FSIP2: variants seen among roughly 807,000 people sequenced by gnomAD.
FSIP2 encodes fibrous sheath-interacting protein 2.
A neutral mutation model predicts 510.5 loss-of-function variants in FSIP2; 367 were observed. That is an observed-to-expected ratio of 0.72 (90% confidence interval 0.66 to 0.78). FSIP2 has a LOEUF of 0.78. Among genes scored for constraint, FSIP2 ranks in the 30% least tolerant of loss-of-function variants. The pLI is 0.00. For synonymous variants in FSIP2, 2,601 were observed against 2,732.2 expected, an observed-to-expected ratio of 0.95 and a Z score of 1.50; for missense variants, 7,594 against 7,901.7, an observed-to-expected ratio of 0.96 and a Z score of 1.48.
intron 7 of FSIP2, among the ~76,000 whole-genome samples, chr2:185,747,699 T>C (rs1295650905): frequency 6.6e-6 from 1 of 152,098 alleles, no homozygotes. Context: ...ATTAACTTTT[T>C]TTAGAACTAG....
At chr2:185,768,329 C>T (rs1030472145) in intron 13 of FSIP2, among the ~76,000 whole-genome samples, 7 of 152,094 alleles carry the variant, frequency 4.6e-5, no homozygotes, top group Non-Finnish European at 5.9e-5. Flanking sequence ...CATACCCAAA[C>T]ATTTATTGCC....
In FSIP2 at chr2:185,790,326, C is replaced by T; in HGVS notation, c.3190C>T (p.His1064Tyr). ...TGGTTCTAGAAGCAAAGCTGCATTT[C>T]ATGATTGGGAATTAAAGACTGAGCC... ...KPGSRSKAAF[H>Y]DWELKTEPPS... Residue 1064 changes from histidine (H) to tyrosine (Y), a missense_variant, in exon 16 of 23, where the codon CAT (histidine) becomes TAT (tyrosine). Coordinates refer to ENST00000424728, the MANE Select transcript of FSIP2 (RefSeq NM_173651.4). 6.5e-7 allele frequency: 1 copy of T among 1,533,694 alleles called. No homozygotes were observed. Among genetic ancestry groups the T allele is most frequent in the Non-Finnish European group, 8.7e-7 (1 of 1,145,438 alleles).
In FSIP2 at chr2:185,793,671, A is replaced by C. The variant is rs979562500; in HGVS notation, c.6535A>C (p.Asn2179His). The change falls in exon 16 of 23, where the codon AAT becomes CAT. Residue 2179 changes from asparagine to histidine, a missense_variant. Physicochemically the swap from Asn to His is moderately conservative, Grantham distance 68. Coordinates refer to ENST00000424728, the MANE Select transcript of FSIP2 (RefSeq NM_173651.4). Reference protein sequence around the residue: ...SAATLVINAKNPTSARLPLTF... With the variant: ...SAATLVINAKHPTSARLPLTF... ...TGCCACGCTTGTCATAAATGCAAAGAATCCTACTTCTGCAAGATTGCCCCT... is the reference window on the plus strand; with the variant it reads ...TGCCACGCTTGTCATAAATGCAAAGCATCCTACTTCTGCAAGATTGCCCCT... 2.7e-5 allele frequency: 42 copies of C among 1,534,698 alleles called. No individual in the cohort carries two copies. Among genetic ancestry groups the C allele is most frequent in the Admixed American group, 5.9e-5 (3 of 50,846 alleles).
At position 185,793,348 on chromosome 2, in the gene FSIP2, G is replaced by GTGTT; in HGVS notation, c.6213_6216dup (p.Ile2073CysfsTer3). ...GAGATCGATTTAGATCAGCAAAAAGGTGTTATTGAAAAGCTGCTCAATGAG... is the reference window on the plus strand; with the variant it reads ...GAGATCGATTTAGATCAGCAAAAAGGTGTTTGTTATTGAAAAGCTGCTCAATGAG... On this transcript the variant is annotated frameshift_variant, in exon 16 of 23. Transcript: ENST00000424728. LOFTEE classifies it high-confidence loss of function. 1 of 1,534,048 alleles carries GTGTT rather than the reference G, an allele frequency of 6.5e-7. No individual in the cohort carries two copies. Among genetic ancestry groups the GTGTT allele is most frequent in the Non-Finnish European group, 8.7e-7 (1 of 1,145,600 alleles).
At chr2:185,773,262 T>C (rs1276373488) in intron 13 of FSIP2, among the ~76,000 whole-genome samples, 2 of 152,208 alleles carry the variant, frequency 1.3e-5, no homozygotes, top group Non-Finnish European at 2.9e-5. Flanking sequence ...AGCTTAATCT[T>C]GTTAAACATA....
In FSIP2 at chr2:185,739,447, C is replaced by A; in HGVS notation, c.201C>A (p.Phe67Leu). 1.3e-6 allele frequency: 2 copies of A among 1,520,082 alleles called. No homozygotes were observed. The highest frequency in any genetic ancestry group is 1.8e-6 in the Non-Finnish European group (2 of 1,140,038). The allele number at this position is 1,520,082 out of a possible 1,614,324, so 94.2% of individuals were successfully genotyped here. The stretch of plus-strand genomic sequence containing the variant: ...TGATCCCAGGAAGCAATGCTGTATT[C>A]TATACTACGAATTTCGGTGAAAAGG... Reference protein sequence around the residue: ...LPVIPGSNAVFYTTNFGEKLF... With the variant: ...LPVIPGSNAVLYTTNFGEKLF... The change falls in exon 2 of 23, where the codon TTC becomes TTA. Residue 67 changes from phenylalanine to leucine, a missense_variant. Coordinates refer to ENST00000424728, the MANE Select transcript of FSIP2 (RefSeq NM_173651.4).
chr2:185,832,380 A>G (rs1489775007), intron 22 of FSIP2, among the ~76,000 whole-genome samples: 1 of 151,882 alleles, frequency 6.6e-6, no homozygotes, highest in Non-Finnish European at 1.5e-5. Flanking sequence ...GTTGCTACTC[A>G]TCTACAATCA....
Position 185,761,145 on chromosome 2 carries a change from T to A in FSIP2, c.1194+42T>A, listed in dbSNP as rs911711801. The A allele has an allele frequency of 1.3e-5, 10 of 776,020 alleles. 1 individual carries two copies. Among genetic ancestry groups the A allele is most frequent in the African/African-American group, 1.3e-4 (7 of 55,510 alleles). The allele number at this position is 776,020 out of a possible 1,614,324, so 48.1% of individuals were successfully genotyped here. On this transcript the variant is annotated intron_variant, in intron 10 of 22. Coordinates refer to ENST00000424728, the MANE Select transcript of FSIP2 (RefSeq NM_173651.4). ...TAAAGTTTTGTGTTGTATTTATTAATTTATCTACTTAACTTTTATTTCTAT... is the reference window on the plus strand; with the variant it reads ...TAAAGTTTTGTGTTGTATTTATTAAATTATCTACTTAACTTTTATTTCTAT...
At chr2:185,785,302 A>C (rs1485697816) in intron 14 of FSIP2, among the ~76,000 whole-genome samples, 1 of 152,030 alleles carries the variant, frequency 6.6e-6, no homozygotes, top group Non-Finnish European at 1.5e-5. Context: ...GTACAAATCT[A>C]AGGGTAGACT....
chr2:185,755,006 C>T (rs140674541), intron 8 of FSIP2, among the ~76,000 whole-genome samples: 5 of 151,498 alleles, frequency 3.3e-5, no homozygotes, highest in Admixed American at 6.6e-5. Context: ...GTTACCTTTC[C>T]GACTTCTCTG....
chr2:185,790,002 A>G lies in FSIP2; in HGVS notation c.2866A>G (p.Lys956Glu). 1 of 1,534,152 alleles carries G rather than the reference A, an allele frequency of 6.5e-7. No homozygotes were observed. The highest frequency in any genetic ancestry group is 1.2e-5 in the South Asian group (1 of 84,018). ...GGAACCAGTAAATGAAAGTTTTCAA[A>G]AAAGTAGGCAACCTAGAATAAGTAG... ...HQEPVNESFQKSRQPRISSPS... is the reference protein window; with the variant it reads ...HQEPVNESFQESRQPRISSPS... Residue 956 changes from lysine (K) to glutamate (E), a missense_variant, in exon 16 of 23, where the codon AAA becomes GAA. Lys to Glu is a moderately conservative substitution (Grantham distance 56). Coordinates refer to ENST00000424728, the MANE Select transcript of FSIP2 (RefSeq NM_173651.4).
chr2:185,803,606 GA>G lies in FSIP2; in HGVS notation c.14301del (p.Val4768PhefsTer5), dbSNP rs1225095973. 4.6e-6 allele frequency: 7 copies of G among 1,530,744 alleles called. No homozygotes were observed. The Admixed American group carries it at 7.9e-5, about 17-fold the overall frequency. 94.8% of individuals were successfully genotyped at this position (1,530,744 alleles called of 1,614,324 possible). On this transcript the variant is annotated frameshift_variant, in exon 17 of 23. Transcript: ENST00000424728. LOFTEE classifies it high-confidence loss of function. ...SKLSANVLIQ[R>X]VQYDISKSRF... The stretch of plus-strand genomic sequence containing the variant: ...CTCAGTGCAAATGTTTTAATACAAA[GA>G]GTTCAATATGATATAAGTAAATCAA...
intron 13 of FSIP2, among the ~76,000 whole-genome samples, chr2:185,766,899 CA>C: frequency 8.2e-6 from 1 of 122,490 alleles, no homozygotes; most frequent in Non-Finnish European, 1.7e-5. Context: ...TTCACAATAG[CA>C]AAGACTTGGA....
intron 7 of FSIP2, among the ~76,000 whole-genome samples, chr2:185,749,156 G>A (rs13002387): frequency 0.31 from 47,665 of 151,596 alleles, 7,803 homozygotes; most frequent in Middle Eastern, 0.41. Context: ...ATAAATTATA[G>A]CATCAGCTTA....
rs377571365 is a variant in FSIP2, at chr2:185,830,468, C to A, written c.20518-1345C>A. 5.3e-5 allele frequency among the ~76,000 whole-genome samples: 8 copies of A among 151,906 alleles called. No homozygotes were observed. In the South Asian group the frequency reaches 1.0e-3, roughly 20 times the overall value. On this transcript the variant is annotated intron_variant, in intron 21 of 22. Coordinates refer to ENST00000424728, the MANE Select transcript of FSIP2 (RefSeq NM_173651.4). Reference sequence around the variant, plus strand: ...GCTGTAGGGGATTGGTTCCAGGAATCCCCAAAGATATCAAAATTCAGGGGT... The same window carrying A: ...GCTGTAGGGGATTGGTTCCAGGAATACCCAAAGATATCAAAATTCAGGGGT...
In FSIP2 at chr2:185,806,911, A is replaced by C; in HGVS notation, c.17605A>C (p.Arg5869=). 1 of 1,610,304 alleles carries C rather than the reference A, an allele frequency of 6.2e-7. No homozygotes were observed. The highest frequency in any genetic ancestry group is 8.5e-7 in the Non-Finnish European group (1 of 1,178,364). Residue 5869 remains arginine, a synonymous_variant, in exon 17 of 23, where the codon AGG becomes CGG. Transcript: ENST00000424728. ...KVSSVPKVPP[R]YKEPTTDEAP... is the part of the protein sequence containing the mutation. ...GTCTTCAGTTCCTAAAGTACCTCCA[A>C]GGTATAAAGAGCCAACTACAGATGA...
chr2:185,794,270 A>C lies in FSIP2; in HGVS notation c.7134A>C (p.Gln2378His). 1 of 1,529,964 alleles carries C rather than the reference A, an allele frequency of 6.5e-7. No homozygotes were observed. Among genetic ancestry groups the C allele is most frequent in the South Asian group, 1.2e-5 (1 of 82,776 alleles). 94.8% of individuals were successfully genotyped at this position (1,529,964 alleles called of 1,614,324 possible). Residue 2378 changes from glutamine (Q) to histidine (H), a missense_variant, in exon 16 of 23, where the codon CAA becomes CAC. Gln to His is a conservative substitution (Grantham distance 24). Transcript: ENST00000424728. ...AAATTCAAAAGATATATCCATATCA[A>C]AACAATATTTTGTTCCAAGAAAACA... is the stretch of plus-strand genomic sequence containing the variant. ...DLEIQKIYPYQNNILFQENII... is the reference protein window; with the variant it reads ...DLEIQKIYPYHNNILFQENII...
chr2:185,747,774 CT>C (rs1223950840), intron 7 of FSIP2, among the ~76,000 whole-genome samples: 3 of 151,772 alleles, frequency 2.0e-5, no homozygotes, highest in Admixed American at 2.0e-4. Flanking sequence ...AACTTTTTAT[CT>C]TTAATAATAT....
intron 13 of FSIP2, among the ~76,000 whole-genome samples, chr2:185,781,220 A>G (rs553106765): frequency 6.6e-6 from 1 of 152,324 alleles, no homozygotes; most frequent in South Asian, 2.1e-4. Context: ...AAGTACCTAT[A>G]CAACCATTCC....
Sources: gnomAD v4.1 joint callset for allele counts (sites outside exome capture counted in the v4.1 genomes callset) on GRCh38, gnomAD v4.1.1 for gene constraint, MANE v1.5 for transcripts, NCBI Gene and HGNC (gene_info 2026-07-23, HGNC 2026-07-21) for gene names.